The following RORA variants were observed in gnomAD, a reference collection of about 807,000 sequenced individuals.
RORA encodes nuclear receptor ROR-alpha.
Under a neutral mutation model 69.5 loss-of-function variants are expected in RORA, and 7 were observed. The ratio of observed to expected loss-of-function variants is 0.10; its 90% CI spans 0.06 to 0.19. The LOEUF (loss-of-function observed/expected upper bound fraction) is 0.19. Among genes scored for constraint, RORA ranks in the 10% least tolerant of loss-of-function variants. The pLI is 1.00. For synonymous variants in RORA, 261 were observed against 240.8 expected, an observed-to-expected ratio of 1.08 and a Z score of -0.78; for missense variants, 457 against 663.0, an observed-to-expected ratio of 0.69 and a Z score of 3.41.
intron 1 of RORA, among the ~76,000 whole-genome samples, chr15:61,189,226 A>G (rs944385258): frequency 5.3e-5 from 8 of 152,232 alleles, no homozygotes; most frequent in African/African-American, 1.9e-4. Context: ...TACATTCATG[A>G]TAGACATTAT....
chr15:60,846,472 A>C (rs2073266775), intron 1 of RORA, among the ~76,000 whole-genome samples: 1 of 152,258 alleles, frequency 6.6e-6, no homozygotes, highest in Non-Finnish European at 1.5e-5. Context: ...CTAATGTGTT[A>C]TCAGAGGGAA....
intron 1 of RORA, among the ~76,000 whole-genome samples, chr15:60,945,715 C>A (rs1422392167): frequency 6.6e-6 from 1 of 152,090 alleles, no homozygotes; most frequent in Non-Finnish European, 1.5e-5. Context: ...ACTTTTTTGG[C>A]AAACCCAAGG....
At chr15:61,169,444 T>A (rs1041949727) in intron 1 of RORA, among the ~76,000 whole-genome samples, 1 of 152,030 alleles carries the variant, frequency 6.6e-6, no homozygotes, top group Admixed American at 6.5e-5. Context: ...CTTCTGCAGG[T>A]TCCTCTTCTG....
chr15:60,585,595 A>G (rs977999819), intron 2 of RORA, among the ~76,000 whole-genome samples: 1 of 152,244 alleles, frequency 6.6e-6, no homozygotes, highest in Non-Finnish European at 1.5e-5. Flanking sequence ...CCTCTTTTTA[A>G]AAGATATTCA....
At chr15:60,704,470 C>G (rs1279950040) in intron 1 of RORA, among the ~76,000 whole-genome samples, 1 of 152,184 alleles carries the variant, frequency 6.6e-6, no homozygotes, top group Non-Finnish European at 1.5e-5. Flanking sequence ...AAAATAAAAA[C>G]AATGGCCAGG....
At chr15:61,058,497 T>G (rs902687195) in intron 1 of RORA, among the ~76,000 whole-genome samples, 1 of 152,128 alleles carries the variant, frequency 6.6e-6, no homozygotes, top group African/African-American at 2.4e-5. Context: ...GTAGGAGGTA[T>G]TAAGGCCCTG....
At chr15:60,938,620 C>A (rs934275149) in intron 1 of RORA, among the ~76,000 whole-genome samples, 4 of 152,162 alleles carry the variant, frequency 2.6e-5, no homozygotes, top group Non-Finnish European at 4.4e-5. Flanking sequence ...TCAGTTCATA[C>A]AAACTAGAGG....
intron 2 of RORA, among the ~76,000 whole-genome samples, chr15:60,615,607 G>A (rs531338881): frequency 6.6e-6 from 1 of 152,328 alleles, no homozygotes; most frequent in South Asian, 2.1e-4. Flanking sequence ...AAGAATGTGA[G>A]CTCACGATAG....
intron 1 of RORA, among the ~76,000 whole-genome samples, chr15:60,789,630 C>T (rs2072387773): frequency 6.6e-6 from 1 of 152,226 alleles, no homozygotes; most frequent in East Asian, 1.9e-4. Context: ...GAAGTTTAAG[C>T]AAGTTAGGGG....
chr15:61,176,826 G>T (rs1387542143), intron 1 of RORA, among the ~76,000 whole-genome samples: 1 of 152,122 alleles, frequency 6.6e-6, no homozygotes, highest in Non-Finnish European at 1.5e-5. Context: ...TATTATTATT[G>T]TTGTTAAAAT....
At chr15:60,783,788 G>T (rs79219245) in intron 1 of RORA, among the ~76,000 whole-genome samples, 8,512 of 152,250 alleles carry the variant, frequency 0.056, 412 homozygotes, top group African/African-American at 0.13. Flanking sequence ...CTCCAGTAAG[G>T]GCCTGAGAAA....
rs142462444 is a variant in RORA, at chr15:60,944,139, T to C, written c.167-265453A>G. ...AGAATTTGTATAAACCGAAGAACAG[T>C]AACATGCACTGAAGATGAAAAGCAC... On this transcript the variant is annotated intron_variant, in intron 1 of 10. Transcript: ENST00000335670. Among the ~76,000 whole-genome samples the C allele has an allele frequency of 1.4e-4, 21 of 152,050 alleles. No homozygotes were observed. The East Asian group carries it at 3.9e-3, about 28-fold the overall frequency.
Position 61,183,273 on chromosome 15 carries a change from C to T in RORA, c.166+45780G>A, listed in dbSNP as rs143885629. Among the ~76,000 whole-genome samples the T allele has an allele frequency of 3.1e-3, 476 of 152,282 alleles. 1 individual carries two copies. Among genetic ancestry groups the T allele is most frequent in the Non-Finnish European group, 5.4e-3 (365 of 68,024 alleles). ...AAATGTGGCCAGGCATGGTGGCTCA[C>T]GCTTGTAATCCAGCACTTTGGGAGG... On this transcript the variant is annotated intron_variant, in intron 1 of 10. Coordinates refer to ENST00000335670, the MANE Select transcript of RORA (RefSeq NM_134261.3).
chr15:61,003,941 C>T (rs35549885), intron 1 of RORA, among the ~76,000 whole-genome samples: 17,010 of 151,936 alleles, frequency 0.11, 972 homozygotes, highest in Middle Eastern at 0.15. Flanking sequence ...TTCCCTGTCT[C>T]TCTCTCACAT....
chr15:60,558,067 G>A, intron 2 of RORA: 1 of 442,786 alleles, frequency 2.3e-6, no homozygotes, highest in South Asian at 6.3e-5. Flanking sequence ...AATGACGAAA[G>A]AGAGAATTAA....
At chr15:61,090,006 C>T (rs1460646644) in intron 1 of RORA, among the ~76,000 whole-genome samples, 1 of 152,214 alleles carries the variant, frequency 6.6e-6, no homozygotes, top group Non-Finnish European at 1.5e-5. Context: ...TATCTCTAGC[C>T]CCCACTTCAA....
intron 2 of RORA, among the ~76,000 whole-genome samples, chr15:60,645,777 A>G (rs2070029953): frequency 6.7e-6 from 1 of 149,518 alleles, no homozygotes. Context: ...CCACTGCAGT[A>G]AAATGTTCAG....
At chr15:60,514,971 G>C (rs929290841) in intron 3 of RORA, among the ~76,000 whole-genome samples, 1 of 152,138 alleles carries the variant, frequency 6.6e-6, no homozygotes, top group Non-Finnish European at 1.5e-5. Flanking sequence ...CCTTATACCT[G>C]CAAAACTTTC....
Position 60,776,686 on chromosome 15 carries a change from C to T in RORA, c.167-98000G>A, listed in dbSNP as rs77910977. 2.3e-4 allele frequency among the ~76,000 whole-genome samples: 35 copies of T among 152,238 alleles called. No individual in the cohort carries two copies. The East Asian group carries it at 6.6e-3, about 29-fold the overall frequency. On this transcript the variant is annotated intron_variant, in intron 1 of 10. Coordinates refer to ENST00000335670, the MANE Select transcript of RORA (RefSeq NM_134261.3). ...GTATGGGGTCCCCAGGGTTTGGGGT[C>T]CAGGTCTGGTTAGGGGAGTGGAGTT...
Sources: gnomAD v4.1 joint callset for allele counts (sites outside exome capture counted in the v4.1 genomes callset) on GRCh38, gnomAD v4.1.1 for gene constraint, MANE v1.5 for transcripts, NCBI Gene and HGNC (gene_info 2026-07-23, HGNC 2026-07-21) for gene names.